Variants in HPSE2 observed in about 807,000 individuals in gnomAD.
HPSE2 encodes the protein heparanase 2 (inactive).
HPSE2 carries 38 observed loss-of-function variants against 60.5 expected under a neutral mutation model. The observed-to-expected ratio is 0.63, with a 90% CI of 0.48 to 0.82. HPSE2 has a LOEUF of 0.82. Among genes scored for constraint, HPSE2 ranks in the 40% least tolerant of loss-of-function variants. The pLI, the probability that HPSE2 is intolerant of heterozygous loss-of-function variation, is 0.00. For synonymous variants in HPSE2, 295 were observed against 293.2 expected (o/e 1.01, Z -0.06); for missense variants, 713 against 740.4 (o/e 0.96, Z 0.43).
intron 2 of HPSE2, among the ~76,000 whole-genome samples, chr10:99,186,834 T>C (rs1001292773): frequency 5.3e-5 from 8 of 152,206 alleles, no homozygotes; most frequent in Admixed American, 4.6e-4. Flanking sequence ...TGGAGTGCAG[T>C]AACACAGTCA....
intron 2 of HPSE2, among the ~76,000 whole-genome samples, chr10:99,207,532 A>G (rs1848799314): frequency 6.6e-6 from 1 of 152,224 alleles, no homozygotes; most frequent in Non-Finnish European, 1.5e-5. Flanking sequence ...TATCTTTAGT[A>G]TAATGCTTAC....
At chr10:98,514,623 C>T (rs495983) in intron 9 of HPSE2, among the ~76,000 whole-genome samples, 148,414 of 151,946 alleles carry the variant, frequency 0.98, 72,582 homozygotes, top group East Asian at 1. Context: ...GTAGTGACCA[C>T]TGCTGGTTTT....
chr10:99,135,706 TACAGAGAAATTTATAACACTAAATGCCC>T (rs1393115325), intron 3 of HPSE2, among the ~76,000 whole-genome samples: 1 of 152,086 alleles, frequency 6.6e-6, no homozygotes, highest in East Asian at 1.9e-4. Context: ...AAGCAGTGTG[TACAGAGAAATTTATAACACTAAATGCCC>T]ACAAGAGAAA....
At chr10:98,813,666 A>G (rs898882100) in intron 3 of HPSE2, among the ~76,000 whole-genome samples, 1 of 152,206 alleles carries the variant, frequency 6.6e-6, no homozygotes, top group Admixed American at 6.5e-5. Flanking sequence ...CTATTTCTCC[A>G]TAACTAATCT....
chr10:98,852,275 C>A (rs550390294), intron 3 of HPSE2, among the ~76,000 whole-genome samples: 14 of 152,000 alleles, frequency 9.2e-5, no homozygotes, highest in African/African-American at 3.4e-4. Context: ...TCACTCTGAC[C>A]TTATCCAGTC....
At chr10:98,803,919 G>A (rs1950978963) in intron 3 of HPSE2, among the ~76,000 whole-genome samples, 1 of 151,874 alleles carries the variant, frequency 6.6e-6, no homozygotes, top group Non-Finnish European at 1.5e-5. Flanking sequence ...GGGCAGTATG[G>A]CCATTTTCAT....
intron 3 of HPSE2, among the ~76,000 whole-genome samples, chr10:98,764,472 A>C (rs1950075093): frequency 6.6e-6 from 1 of 152,214 alleles, no homozygotes; most frequent in Non-Finnish European, 1.5e-5. Flanking sequence ...CAAAAAGTAC[A>C]AACTTGTTAG....
chr10:98,969,813 G>A (rs1955905185), intron 3 of HPSE2, among the ~76,000 whole-genome samples: 1 of 152,176 alleles, frequency 6.6e-6, no homozygotes, highest in African/African-American at 2.4e-5. Flanking sequence ...TTGGCTCATA[G>A]TTCTGTAGGC....
At chr10:99,043,003 C>T (rs1043637600) in intron 3 of HPSE2, among the ~76,000 whole-genome samples, 2 of 152,200 alleles carry the variant, frequency 1.3e-5, no homozygotes, top group Admixed American at 1.3e-4. Flanking sequence ...AAACAGACCC[C>T]ACACAGAGCC....
chr10:98,519,090 T>C (rs977427352), intron 9 of HPSE2, among the ~76,000 whole-genome samples: 6 of 152,236 alleles, frequency 3.9e-5, no homozygotes, highest in South Asian at 2.1e-4. Context: ...GGACCACTTA[T>C]GTATGTGCCA....
At chr10:98,603,027 A>G (rs1945472162) in intron 9 of HPSE2, among the ~76,000 whole-genome samples, 1 of 152,246 alleles carries the variant, frequency 6.6e-6, no homozygotes, top group South Asian at 2.1e-4. Flanking sequence ...TCTGGTTTCC[A>G]CTTCCATATA....
At chr10:99,030,030 C>T (rs1435556782) in intron 3 of HPSE2, among the ~76,000 whole-genome samples, 1 of 152,220 alleles carries the variant, frequency 6.6e-6, no homozygotes, top group African/African-American at 2.4e-5. Context: ...CTGGGCATAA[C>T]AGAAGGCTCG....
intron 7 of HPSE2, among the ~76,000 whole-genome samples, chr10:98,623,051 CTTTT>C (rs372889980): frequency 2.0e-5 from 3 of 150,974 alleles, no homozygotes; most frequent in Admixed American, 6.6e-5. Context: ...TTGTGTTTTT[CTTTT>C]TTTTTGTCTT....
intron 2 of HPSE2, among the ~76,000 whole-genome samples, chr10:99,184,648 A>G (rs927451009): frequency 6.7e-6 from 1 of 149,086 alleles, no homozygotes; most frequent in Non-Finnish European, 1.5e-5. Context: ...TATAAAATGT[A>G]TAAAAGACAC....
chr10:98,500,206 C>T lies in HPSE2; in HGVS notation c.1321-10010G>A, dbSNP rs191950033. The stretch of plus-strand genomic sequence containing the variant: ...GATATATATAGAACATTTCACCCAA[C>T]GACTGCAGAATACACATTCTACTCA... On this transcript the variant is annotated intron_variant, in intron 9 of 11. Coordinates refer to ENST00000370552, the MANE Select transcript of HPSE2 (RefSeq NM_021828.5). Among the ~76,000 whole-genome samples, 213 of 152,282 alleles carry T rather than the reference C, an allele frequency of 1.4e-3. 1 individual carries two copies. Among genetic ancestry groups the T allele is most frequent in the African/African-American group, 4.9e-3 (203 of 41,564 alleles).
chr10:99,011,754 C>A (rs370761294), intron 3 of HPSE2, among the ~76,000 whole-genome samples: 224 of 93,044 alleles, frequency 2.4e-3, no homozygotes, highest in Middle Eastern at 8.9e-3. Context: ...GACTCCATCT[C>A]AAAAAAAAAA....
At chr10:99,104,459 T>C (rs1356097431) in intron 3 of HPSE2, among the ~76,000 whole-genome samples, 1 of 152,208 alleles carries the variant, frequency 6.6e-6, no homozygotes, top group Non-Finnish European at 1.5e-5. Context: ...TTTACACTGT[T>C]GGTGGGACTG....
At chr10:99,065,122 A>T (rs954639824) in intron 3 of HPSE2, among the ~76,000 whole-genome samples, 5 of 152,288 alleles carry the variant, frequency 3.3e-5, no homozygotes, top group African/African-American at 1.2e-4. Flanking sequence ...AAATTTGAAC[A>T]TATTTCTCTC....
At chr10:99,162,904 CCAT>C (rs1846901087) in intron 2 of HPSE2, among the ~76,000 whole-genome samples, 1 of 152,112 alleles carries the variant, frequency 6.6e-6, no homozygotes, top group African/African-American at 2.4e-5. Context: ...ATTCAGCATA[CCAT>C]CTTTGGAAAA....
Sources: gnomAD v4.1 joint callset for allele counts (sites outside exome capture counted in the v4.1 genomes callset) on GRCh38, gnomAD v4.1.1 for gene constraint, MANE v1.5 for transcripts, NCBI Gene and HGNC (gene_info 2026-07-23, HGNC 2026-07-21) for gene names.